CCDC178: variants seen among roughly 807,000 people sequenced by gnomAD.
The protein encoded by CCDC178 is coiled-coil domain-containing protein 178.
A neutral mutation model predicts 117.4 loss-of-function variants in CCDC178; 126 were observed. The observed-to-expected ratio is 1.07, with a 90% CI of 0.93 to 1.24. CCDC178 has a LOEUF of 1.24. Among genes scored for constraint, CCDC178 ranks in the 50% most tolerant of loss-of-function variants. The pLI is 0.00. For synonymous variants in CCDC178, 283 were observed against 313.4 expected (o/e 0.90, Z 1.02); for missense variants, 1,030 against 986.9 (o/e 1.04, Z -0.59).
intron 20 of CCDC178, among the ~76,000 whole-genome samples, chr18:33,126,997 A>AAAAAAATATAT (rs71266914): frequency 7.1e-6 from 1 of 141,186 alleles, no homozygotes; most frequent in African/African-American, 2.7e-5. Flanking sequence ...AAAAAAAAAA[A>AAAAAAATATAT]ATATATATAT....
At chr18:33,212,255 T>C (rs138114563) in intron 19 of CCDC178, among the ~76,000 whole-genome samples, 200 bp from the exon 20 acceptor site, 118 of 152,140 alleles carry the variant, frequency 7.8e-4, no homozygotes, top group Middle Eastern at 3.4e-3. Flanking sequence ...AGAAAATCTA[T>C]GGAAGAACAG....
chr18:33,173,175 G>T (rs2058624687), intron 20 of CCDC178, among the ~76,000 whole-genome samples: 1 of 152,012 alleles, frequency 6.6e-6, no homozygotes, highest in Non-Finnish European at 1.5e-5. Context: ...TCAGCCTCTT[G>T]AGTAGCTGGG....
At chr18:32,998,146 A>G (rs1425648040) in intron 21 of CCDC178, among the ~76,000 whole-genome samples, 1 of 152,236 alleles carries the variant, frequency 6.6e-6, no homozygotes, top group Non-Finnish European at 1.5e-5. Flanking sequence ...CATGTGGTGA[A>G]GAGAGATAAT....
At chr18:33,343,016 A>T (rs780729231) in intron 9 of CCDC178, among the ~76,000 whole-genome samples, 22 of 152,136 alleles carry the variant, frequency 1.4e-4, no homozygotes, top group Non-Finnish European at 2.5e-4. Flanking sequence ...TGGGGTGATT[A>T]GCTTTCACCC....
rs118082273 is a variant in CCDC178, at chr18:33,068,265, G to A, written c.2388+24496C>T. 3.2e-3 allele frequency among the ~76,000 whole-genome samples: 483 copies of A among 152,198 alleles called. 4 individuals carry two copies. Among genetic ancestry groups the A allele is most frequent in the South Asian group, 5.8e-3 (28 of 4,826 alleles). On this transcript the variant is annotated intron_variant, in intron 21 of 22. Coordinates refer to ENST00000383096, the MANE Select transcript of CCDC178 (RefSeq NM_001105528.4). Reference sequence around the variant, plus strand: ...CTTATAAAGAAGAACTTATAAAGAAGTCTTCTCACAGTATTCAAAAAAATT... The same window carrying A: ...CTTATAAAGAAGAACTTATAAAGAAATCTTCTCACAGTATTCAAAAAAATT...
At chr18:33,416,161 C>G (rs2063937205) in intron 2 of CCDC178, among the ~76,000 whole-genome samples, 1 of 152,338 alleles carries the variant, frequency 6.6e-6, no homozygotes, top group East Asian at 1.9e-4. Flanking sequence ...GGAGCGATGG[C>G]TCACGCCTGT....
intron 21 of CCDC178, among the ~76,000 whole-genome samples, chr18:33,059,942 T>TGTAAGGA (rs2056895880): frequency 1.3e-5 from 2 of 152,198 alleles, no homozygotes; most frequent in African/African-American, 4.8e-5. Flanking sequence ...TCCATGTCTT[T>TGTAAGGA]GACTCTCCTT....
intron 21 of CCDC178, among the ~76,000 whole-genome samples, chr18:33,053,849 T>G (rs540720464): frequency 6.6e-6 from 1 of 152,332 alleles, no homozygotes; most frequent in African/African-American, 2.4e-5. Context: ...GACAACTTTT[T>G]GTTTTGAAAT....
intron 20 of CCDC178, among the ~76,000 whole-genome samples, chr18:33,168,734 G>A (rs2058563333): frequency 6.6e-6 from 1 of 152,140 alleles, no homozygotes; most frequent in Non-Finnish European, 1.5e-5. Context: ...TCCTAACGGT[G>A]TAAATGATTA....
At chr18:33,160,247 C>T (rs773494824) in intron 20 of CCDC178, among the ~76,000 whole-genome samples, 10 of 152,202 alleles carry the variant, frequency 6.6e-5, no homozygotes, top group East Asian at 5.8e-4. Context: ...TCATCTTCTA[C>T]GACAGTCTTG....
At chr18:32,997,963 G>C (rs1400992237) in intron 21 of CCDC178, among the ~76,000 whole-genome samples, 1 of 152,178 alleles carries the variant, frequency 6.6e-6, no homozygotes, top group Admixed American at 6.5e-5. Flanking sequence ...CCCGACAGGA[G>C]CATCAAATTG....
chr18:33,394,483 A>G (rs1198860649), intron 4 of CCDC178, among the ~76,000 whole-genome samples: 3 of 151,946 alleles, frequency 2.0e-5, no homozygotes, highest in African/African-American at 7.2e-5. Flanking sequence ...TACAATATAT[A>G]ATTCCAAGAG....
Position 33,333,188 on chromosome 18 carries a change from T to A in CCDC178, c.865A>T (p.Lys289Ter), listed in dbSNP as rs1183566293. Residue 289 changes from lysine (K) to a stop codon, truncating the protein, a stop_gained, in exon 10 of 23, where the codon AAA (lysine) becomes TAA (stop). Transcript: ENST00000383096. LOFTEE classifies it high-confidence loss of function. The stretch of plus-strand genomic sequence containing the variant: ...CGTTTATTTACCTCCATTTTTTTTT[T>A]ATAATGGTTCTTCAGATCTTGAAGT... Reference protein sequence around the residue: ...QELQDLKNHYKKKMEVMDLHR... With the variant: ...QELQDLKNHY 3.1e-6 allele frequency: 5 copies of A among 1,587,486 alleles called. No individual in the cohort carries two copies. The highest frequency in any genetic ancestry group is 3.5e-5 in the Admixed American group (2 of 56,356).
At position 33,369,955 on chromosome 18, in the gene CCDC178, A is replaced by T. The variant is rs186956109; in HGVS notation, c.348+95T>A. ...TTAAAAAGCATTCCAATTATCATTTAAAAAGTCCAGAGTTTCCTGGGTTCT... is the reference window on the plus strand; with the variant it reads ...TTAAAAAGCATTCCAATTATCATTTTAAAAGTCCAGAGTTTCCTGGGTTCT... On this transcript the variant is annotated intron_variant, in intron 6 of 22. Transcript: ENST00000383096. 680 of 1,039,442 alleles carry T rather than the reference A, an allele frequency of 6.5e-4. 1 individual carries two copies. Among genetic ancestry groups the T allele is most frequent in the Admixed American group, 1.2e-3 (40 of 33,024 alleles). 64.4% of individuals were successfully genotyped at this position (1,039,442 alleles called of 1,614,324 possible).
intron 20 of CCDC178, among the ~76,000 whole-genome samples, chr18:33,193,173 G>C (rs1306104104): frequency 6.8e-6 from 1 of 146,584 alleles, no homozygotes; most frequent in Non-Finnish European, 1.5e-5. Context: ...TGAGGCAGGA[G>C]AATGGCGTGA....
intron 2 of CCDC178, among the ~76,000 whole-genome samples, chr18:33,434,418 C>T (rs773832336): frequency 6.6e-6 from 1 of 152,096 alleles, no homozygotes; most frequent in East Asian, 1.9e-4. Context: ...TTGGACCCTA[C>T]TGATATAATT....
chr18:32,954,761 C>T (rs1020391412), intron 22 of CCDC178: 1 of 152,126 alleles, frequency 6.6e-6, no homozygotes, highest in African/African-American at 2.4e-5. Context: ...CATTTTATCT[C>T]TTTCCCCAAA....
chr18:33,290,927 A>G (rs775558353), intron 12 of CCDC178, among the ~76,000 whole-genome samples: 3 of 152,144 alleles, frequency 2.0e-5, no homozygotes, highest in Non-Finnish European at 2.9e-5. Flanking sequence ...CTCACTTCAC[A>G]TTACACCCAT....
Position 33,191,073 on chromosome 18 carries a change from C to G in CCDC178, c.2238+20823G>C, listed in dbSNP as rs2058851839. On this transcript the variant is annotated intron_variant, in intron 20 of 22. Coordinates refer to ENST00000383096, the MANE Select transcript of CCDC178 (RefSeq NM_001105528.4). ...TATACTATTAAACTTATACATTTAT[C>G]TATTATTCTGTTATGTTCCACAATT... 3.9e-5 allele frequency among the ~76,000 whole-genome samples: 6 copies of G among 152,182 alleles called. No individual in the cohort carries two copies. In the South Asian group the frequency reaches 1.0e-3, roughly 26 times the overall value.
Sources: allele counts gnomAD v4.1 joint callset (sites outside exome capture counted in the v4.1 genomes callset), GRCh38; gene constraint gnomAD v4.1.1; transcripts MANE v1.5; gene names NCBI Gene and HGNC (gene_info 2026-07-23, HGNC 2026-07-21).